Variants in THSD7A observed in about 807,000 individuals in gnomAD.
The protein encoded by THSD7A is thrombospondin type-1 domain-containing protein 7A.
Under a neutral mutation model 231.3 loss-of-function variants are expected in THSD7A, and 96 were observed. That is an observed-to-expected ratio of 0.41 (90% CI 0.35 to 0.49). The LOEUF is 0.49. THSD7A is among the 20% of genes least tolerant of loss of function. The probability of loss-of-function intolerance (pLI) is 0.05; values close to 1 mark genes in which losing one functional copy is unlikely to be tolerated. For missense variants in THSD7A, 2,290 were observed against 2,070.2 expected (o/e 1.11, Z -2.06); for synonymous variants, 940 against 743.3 (o/e 1.26, Z -4.30).
At chr7:11,432,684 A>C (rs1279718195) in intron 13 of THSD7A, among the ~76,000 whole-genome samples, 1 of 152,056 alleles carries the variant, frequency 6.6e-6, no homozygotes, top group Admixed American at 6.6e-5. Context: ...TATTGTGTGA[A>C]TATACTATGA....
Position 11,401,855 on chromosome 7 carries a change from G to T in THSD7A, c.4351C>A (p.Gln1451Lys). ...IQVRSRPVII[Q>K]ELENQHLCPE... ...CACAGATGCTGATTCTCTAGTTCTT[G>T]TATAATCACCGGTCTGGATCTGACC... is the stretch of plus-strand genomic sequence containing the variant. The change falls in exon 23 of 28, where the codon CAA (glutamine) becomes AAA (lysine). Residue 1451 changes from glutamine (Q) to lysine (K), a missense_variant. Transcript: ENST00000423059. 1 of 1,613,734 alleles carries T rather than the reference G, an allele frequency of 6.2e-7. No homozygotes were observed.
chr7:11,494,091 G>C (rs1787004429), intron 6 of THSD7A, among the ~76,000 whole-genome samples: 1 of 151,938 alleles, frequency 6.6e-6, no homozygotes, highest in Admixed American at 6.6e-5. Flanking sequence ...CTCTAAAATT[G>C]AAACATAATT....
intron 4 of THSD7A, among the ~76,000 whole-genome samples, chr7:11,563,118 A>C (rs1562721513): frequency 6.6e-6 from 1 of 152,252 alleles, no homozygotes. Flanking sequence ...TCCTGTACTA[A>C]ACTTGAATCA....
At chr7:11,679,385 A>G (rs577497413) in intron 1 of THSD7A, among the ~76,000 whole-genome samples, 4 of 152,156 alleles carry the variant, frequency 2.6e-5, no homozygotes. Flanking sequence ...AAAGCATTCA[A>G]ATAGGAAAAT....
chr7:11,628,725 A>G (rs1475248101), intron 2 of THSD7A, among the ~76,000 whole-genome samples: 1 of 152,186 alleles, frequency 6.6e-6, no homozygotes, highest in Non-Finnish European at 1.5e-5. Context: ...TTGTTGAATG[A>G]AAAGGTAAAT....
At chr7:11,414,956 T>C (rs1783911395) in intron 17 of THSD7A, among the ~76,000 whole-genome samples, 1 of 152,236 alleles carries the variant, frequency 6.6e-6, no homozygotes, top group African/African-American at 2.4e-5. Flanking sequence ...AATGAAGGCC[T>C]GAGTGAAGAA....
At position 11,533,797 on chromosome 7, in the gene THSD7A, G is replaced by A. The variant is rs1205182435; in HGVS notation, c.1822+7622C>T. Among the ~76,000 whole-genome samples the A allele has an allele frequency of 2.6e-5, 4 of 152,086 alleles. No homozygotes were observed. In the East Asian group the frequency reaches 7.7e-4, roughly 29 times the overall value. On this transcript the variant is annotated intron_variant, in intron 6 of 27. Transcript: ENST00000423059. The stretch of plus-strand genomic sequence containing the variant: ...AATCCATGCAGGACTTAAAACCTAG[G>A]TGACAGGTTGACAAGTGCAGCAAAC...
At chr7:11,683,976 T>A (rs1187042593) in intron 1 of THSD7A, among the ~76,000 whole-genome samples, 1 of 151,770 alleles carries the variant, frequency 6.6e-6, no homozygotes, top group Non-Finnish European at 1.5e-5. Context: ...GATGCAAATA[T>A]CCTCTACAAA....
chr7:11,452,548 C>T (rs1785178545), intron 11 of THSD7A, among the ~76,000 whole-genome samples: 1 of 151,902 alleles, frequency 6.6e-6, no homozygotes, highest in Non-Finnish European at 1.5e-5. Flanking sequence ...TGTGAGAATA[C>T]TAGGATGAGA....
Position 11,636,978 on chromosome 7 carries a change from A to G in THSD7A, c.191-17T>C. ...CCCATGGACCTACAAAAATTATAAC[A>G]CAAAAATTAGCAGTGCTACTAGAAG... On this transcript the variant is annotated splice_polypyrimidine_tract_variant and intron_variant, in intron 1 of 27. Coordinates refer to ENST00000423059, the MANE Select transcript of THSD7A (RefSeq NM_015204.3). The surrounding 1 kb of genome is among the most constrained non-coding windows in gnomAD (Gnocchi z 10.0). The G allele has an allele frequency of 6.3e-7, 1 of 1,586,958 alleles. No homozygotes were observed. The highest frequency in any genetic ancestry group is 1.3e-5 in the African/African-American group (1 of 74,294).
intron 6 of THSD7A, among the ~76,000 whole-genome samples, chr7:11,539,499 A>G (rs1038119641): frequency 6.6e-6 from 1 of 152,212 alleles, no homozygotes; most frequent in African/African-American, 2.4e-5. Context: ...AAACCAGCTC[A>G]TTTGTATTGT....
intron 16 of THSD7A, among the ~76,000 whole-genome samples, chr7:11,421,641 C>G (rs1282415012): frequency 1.3e-5 from 2 of 152,174 alleles, no homozygotes; most frequent in African/African-American, 4.8e-5. Flanking sequence ...GAGATAACCA[C>G]TCATAACAGA....
intron 4 of THSD7A, among the ~76,000 whole-genome samples, chr7:11,564,828 CAT>C (rs1790235972): frequency 6.6e-6 from 1 of 152,072 alleles, no homozygotes; most frequent in Admixed American, 6.6e-5. Context: ...TAGAAATAAA[CAT>C]ATGTCAGATA....
chr7:11,497,218 T>C (rs1389001051), intron 6 of THSD7A, among the ~76,000 whole-genome samples: 2 of 152,070 alleles, frequency 1.3e-5, no homozygotes, highest in Non-Finnish European at 1.5e-5. Context: ...ATAATGAGAA[T>C]AGGATGAGGG....
chr7:11,772,901 A>G (rs537269794), intron 1 of THSD7A, among the ~76,000 whole-genome samples: 2 of 152,306 alleles, frequency 1.3e-5, no homozygotes, highest in South Asian at 4.1e-4. Flanking sequence ...GATAAATAAA[A>G]TCCAACAACA....
At chr7:11,779,346 T>G (rs1014302743) in intron 1 of THSD7A, among the ~76,000 whole-genome samples, 2 of 152,292 alleles carry the variant, frequency 1.3e-5, no homozygotes, top group South Asian at 4.1e-4. Context: ...TGGTCGGTAT[T>G]AGAAGTTAAT....
rs567227799 is a variant in THSD7A, at chr7:11,581,789, T to C, written c.1453+8671A>G. ...TCTCCTGAATAGTTTTGACACACTG[T>C]ACACATATATGGCAAACTAATATTG... On this transcript the variant is annotated intron_variant, in intron 4 of 27. Coordinates refer to ENST00000423059, the MANE Select transcript of THSD7A (RefSeq NM_015204.3). Among the ~76,000 whole-genome samples the C allele has an allele frequency of 2.6e-5, 4 of 152,254 alleles. No homozygotes were observed. In the East Asian group the frequency reaches 5.8e-4, roughly 22 times the overall value.
chr7:11,822,183 T>C (rs1176034423), intron 1 of THSD7A, among the ~76,000 whole-genome samples: 1 of 152,122 alleles, frequency 6.6e-6, no homozygotes, highest in Non-Finnish European at 1.5e-5. Context: ...TAATTTCTCA[T>C]CATCCATCCT....
At chr7:11,650,318 T>A (rs1018225444) in intron 1 of THSD7A, among the ~76,000 whole-genome samples, 1 of 152,190 alleles carries the variant, frequency 6.6e-6, no homozygotes, top group East Asian at 1.9e-4. Context: ...TTCTGAATCT[T>A]TGATGCAACA....
Sources: allele counts gnomAD v4.1 joint callset (sites outside exome capture counted in the v4.1 genomes callset), GRCh38; gene constraint gnomAD v4.1.1; non-coding constraint Gnocchi (gnomAD v3.1); transcripts MANE v1.5; gene names NCBI Gene and HGNC (gene_info 2026-07-23, HGNC 2026-07-21).